The following USP4 variants were observed in gnomAD, a reference collection of about 807,000 sequenced individuals.
USP4 encodes the protein ubiquitin specific peptidase 4.
In USP4, 72 loss-of-function variants were observed where a neutral mutation model predicts 118.2. That is an observed-to-expected ratio of 0.61 (90% CI 0.50 to 0.74). The LOEUF (loss-of-function observed/expected upper bound fraction) is 0.74. Among genes scored for constraint, USP4 ranks in the 30% least tolerant of loss-of-function variants. The probability of loss-of-function intolerance (pLI) is 0.00; values close to 1 mark genes in which losing one functional copy is unlikely to be tolerated. For missense variants in USP4, 1,037 were observed against 1,185.7 expected, an observed-to-expected ratio of 0.87 and a Z score of 1.84; for synonymous variants, 415 against 440.4, an observed-to-expected ratio of 0.94 and a Z score of 0.72.
chr3:49,287,396 C>A (rs1244464259), intron 15 of USP4, among the ~76,000 whole-genome samples: 1 of 152,102 alleles, frequency 6.6e-6, no homozygotes, highest in Non-Finnish European at 1.5e-5. Flanking sequence ...CCTCGTGATC[C>A]GCCCGCCCCG....
chr3:49,338,146 T>G (rs1257872789), intron 1 of USP4, among the ~76,000 whole-genome samples: 2 of 148,682 alleles, frequency 1.3e-5, no homozygotes, highest in Non-Finnish European at 3.0e-5. Context: ...TATTGGTGCA[T>G]CCTTAAAATT....
chr3:49,299,902 A>AC (rs2047247792), intron 11 of USP4, among the ~76,000 whole-genome samples: 1 of 151,986 alleles, frequency 6.6e-6, no homozygotes, highest in Admixed American at 6.6e-5. Context: ...AGATTCAAGA[A>AC]CCACTTAGTA....
At chr3:49,327,296 G>T (rs931502706) in intron 3 of USP4, among the ~76,000 whole-genome samples, 1 of 152,096 alleles carries the variant, frequency 6.6e-6, no homozygotes, top group African/African-American at 2.4e-5. Context: ...CCACCACTTT[G>T]GGGGGCCGAG....
At position 49,277,302 on chromosome 3, in the gene USP4, C is replaced by G. The variant is rs1466087258; in HGVS notation, c.*991G>C. ...GACAAAAAATCCCGGACCCATACGT[C>G]CGGTTCCTTAAGGCCTTGCCCACAC... On this transcript the variant is annotated 3_prime_UTR_variant, in exon 22 of 22. Coordinates refer to ENST00000265560, the MANE Select transcript of USP4 (RefSeq NM_003363.4). 8.2e-7 allele frequency: 1 copy of G among 1,223,424 alleles called. No individual in the cohort carries two copies. The highest frequency in any genetic ancestry group is 1.6e-5 in the African/African-American group (1 of 64,510). The allele number at this position is 1,223,424 out of a possible 1,614,324, so 75.8% of individuals were successfully genotyped here. A position where few individuals can be genotyped will look rare whatever the true frequency, so the allele number is the denominator to read the frequency against.
At chr3:49,338,561 C>T (rs898278818) in intron 1 of USP4, among the ~76,000 whole-genome samples, 1 of 150,896 alleles carries the variant, frequency 6.6e-6, no homozygotes, top group Admixed American at 6.6e-5. Flanking sequence ...ACTGGGGAGG[C>T]TGAGGCAGGA....
chr3:49,313,037 C>T (rs1052214876), intron 6 of USP4, among the ~76,000 whole-genome samples: 7 of 151,114 alleles, frequency 4.6e-5, no homozygotes, highest in Non-Finnish European at 7.4e-5. Context: ...ACTACAGGCG[C>T]GTGCCACCAC....
At chr3:49,337,472 C>G (rs2047680685) in intron 1 of USP4, among the ~76,000 whole-genome samples, 1 of 152,138 alleles carries the variant, frequency 6.6e-6, no homozygotes, top group Non-Finnish European at 1.5e-5. Flanking sequence ...GAGGGTCACC[C>G]AGGCTAGAGT....
intron 20 of USP4, 125 bp downstream of exon 20, chr3:49,280,619 G>T: frequency 1.7e-6 from 1 of 592,462 alleles, no homozygotes; most frequent in Non-Finnish European, 2.9e-6. Flanking sequence ...TATGAAGAAA[G>T]CGTGCAGCAT....
chr3:49,310,596 T>G (rs753853222), intron 8 of USP4, 24 bp downstream of exon 8: 3 of 1,592,172 alleles, frequency 1.9e-6, no homozygotes, highest in Middle Eastern at 1.7e-4. Context: ...GCTGTGTTAT[T>G]TGAATGGAAG....
chr3:49,309,218 G>A (rs1421694025), intron 8 of USP4, among the ~76,000 whole-genome samples: 3 of 151,762 alleles, frequency 2.0e-5, no homozygotes, highest in African/African-American at 4.8e-5. Flanking sequence ...AGTAAATTCC[G>A]TGACTCCTTC....
At position 49,311,568 on chromosome 3, in the gene USP4, G is replaced by A; in HGVS notation, c.782C>T (p.Ala261Val). Residue 261 changes from alanine (A) to valine (V), a missense_variant, in exon 7 of 22, where the codon GCA becomes GTA. By Grantham distance (64) the Ala-to-Val change is moderately conservative (BLOSUM62 0). Coordinates refer to ENST00000265560, the MANE Select transcript of USP4 (RefSeq NM_003363.4). ...PYSSVSASLI[A>V]NGDSTSTCGM... Reference sequence around the variant, plus strand: ...ACAGGTGCTAGTGCTATCACCATTTGCAATGAGAGAGGCAGACACTGAGGA... The same window carrying A: ...ACAGGTGCTAGTGCTATCACCATTTACAATGAGAGAGGCAGACACTGAGGA... 6.2e-7 allele frequency: 1 copy of A among 1,613,978 alleles called. No homozygotes were observed.
intron 3 of USP4, 126 bp from the exon 4 acceptor site, chr3:49,325,971 G>A (rs138798312): frequency 1.6e-6 from 2 of 1,215,716 alleles, no homozygotes; most frequent in East Asian, 2.5e-5. Flanking sequence ...CTGATCAAGG[G>A]ATCAAAAGAA....
chr3:49,320,949 A>G (rs770834312), intron 6 of USP4, among the ~76,000 whole-genome samples: 32 of 152,106 alleles, frequency 2.1e-4, no homozygotes, highest in Non-Finnish European at 3.4e-4. Flanking sequence ...GCTATACAGT[A>G]CATCCCAGCC....
At chr3:49,323,643 A>G (rs1264640388) in intron 6 of USP4, among the ~76,000 whole-genome samples, 1 of 152,146 alleles carries the variant, frequency 6.6e-6, no homozygotes, top group African/African-American at 2.4e-5. Flanking sequence ...GGGTTCTAAC[A>G]GTTCTTCTCT....
chr3:49,310,483 C>A, intron 8 of USP4, 137 bp downstream of exon 8: 1 of 748,666 alleles, frequency 1.3e-6, no homozygotes, highest in Non-Finnish European at 2.4e-6. Context: ...GTGGGAGATG[C>A]CCTAGCAGAG....
rs551012716 is a variant in USP4 at position 49,292,058 on chromosome 3, C to T, written c.1972+452G>A. 5.9e-5 allele frequency among the ~76,000 whole-genome samples: 9 copies of T among 152,144 alleles called. No individual in the cohort carries two copies. The East Asian group carries it at 1.4e-3, about 23-fold the overall frequency. On this transcript the variant is annotated intron_variant, in intron 15 of 21. Transcript: ENST00000265560. ...TCCTGACCTCGTGATCCGCCCTCCT[C>T]GGACTCCCAAAGTGCTGGGATTACA... is the stretch of plus-strand genomic sequence containing the variant.
chr3:49,312,528 G>A (rs1348466775), intron 6 of USP4: 2 of 452,842 alleles, frequency 4.4e-6, no homozygotes, highest in South Asian at 1.6e-5. Flanking sequence ...GCTGAGGCAG[G>A]AGAATTGCTT....
intron 9 of USP4, among the ~76,000 whole-genome samples, chr3:49,303,534 C>T (rs1022242827): frequency 6.7e-6 from 1 of 149,080 alleles, no homozygotes; most frequent in Non-Finnish European, 1.5e-5. Flanking sequence ...TTGAAATTTA[C>T]ATTAATTACA....
chr3:49,291,586 A>G (rs1410998004), intron 15 of USP4, among the ~76,000 whole-genome samples: 1 of 151,478 alleles, frequency 6.6e-6, no homozygotes, highest in African/African-American at 2.4e-5. Flanking sequence ...AAAAAAAAAA[A>G]AAAAGAAAGA....
Sources: gnomAD v4.1 joint callset for allele counts (sites outside exome capture counted in the v4.1 genomes callset) on GRCh38, gnomAD v4.1.1 for gene constraint, MANE v1.5 for transcripts, NCBI Gene and HGNC (gene_info 2026-07-23, HGNC 2026-07-21) for gene names.